RBFOX1: variants seen among roughly 807,000 people sequenced by gnomAD.
The protein encoded by RBFOX1 is RNA binding protein fox-1 homolog 1.
In RBFOX1, 8 loss-of-function variants were observed where a neutral mutation model predicts 57.7. That is an observed-to-expected ratio of 0.14 (90% confidence interval 0.08 to 0.25). The LOEUF (loss-of-function observed/expected upper bound fraction) is 0.25. RBFOX1 is among the 10% of genes least tolerant of loss of function. The probability of loss-of-function intolerance (pLI) is 1.00; values close to 1 mark genes in which losing one functional copy is unlikely to be tolerated. For missense variants in RBFOX1, 611 were observed against 548.5 expected, an observed-to-expected ratio of 1.11 and a Z score of -1.14; for synonymous variants, 326 against 222.4, an observed-to-expected ratio of 1.47 and a Z score of -4.15.
chr16:6,558,112 A>G (rs148789555), intron 2 of RBFOX1, among the ~76,000 whole-genome samples: 73 of 152,284 alleles, frequency 4.8e-4, no homozygotes, highest in African/African-American at 1.6e-3. Context: ...ATGTACTCCA[A>G]ATCAGTGCTT....
At chr16:5,510,013 C>T (rs1001330734) in intron 2 of RBFOX1, among the ~76,000 whole-genome samples, 10 of 152,188 alleles carry the variant, frequency 6.6e-5, no homozygotes, top group Non-Finnish European at 2.9e-5. Context: ...AGAGCTCAGC[C>T]ACGCCCTACC....
chr16:7,458,012 G>C (rs2058859404), intron 4 of RBFOX1, among the ~76,000 whole-genome samples: 1 of 152,058 alleles, frequency 6.6e-6, no homozygotes, highest in African/African-American at 2.4e-5. Context: ...TGCCTGCTTG[G>C]TTGGTATATT....
intron 4 of RBFOX1, among the ~76,000 whole-genome samples, chr16:7,135,444 C>G (rs1009746879): frequency 2.0e-5 from 3 of 152,218 alleles, no homozygotes; most frequent in Non-Finnish European, 4.4e-5. Context: ...ACATTTCTTA[C>G]ATTGTTACCA....
At chr16:5,335,200 G>T (rs1481795387) in intron 1 of RBFOX1, among the ~76,000 whole-genome samples, 1 of 24,808 alleles carries the variant, frequency 4.0e-5, no homozygotes, top group Non-Finnish European at 2.8e-3. Flanking sequence ...TTAAAAAATT[G>T]GGTTCTTTAT....
chr16:6,767,914 CAATAATAATAATAATAATAATAAT>C (rs71408408), intron 3 of RBFOX1, among the ~76,000 whole-genome samples: 2 of 118,026 alleles, frequency 1.7e-5, no homozygotes, highest in African/African-American at 6.4e-5. Context: ...GACTCTATCT[CAATAATAATAATAATAATAATAAT>C]AATAATAATA....
At chr16:7,086,846 G>A (rs1320477326) in intron 4 of RBFOX1, among the ~76,000 whole-genome samples, 2 of 152,168 alleles carry the variant, frequency 1.3e-5, no homozygotes, top group African/African-American at 4.8e-5. Context: ...TCCATTTGCT[G>A]GGCTTAGTTG....
chr16:5,593,274 A>C (rs759987137), intron 2 of RBFOX1, among the ~76,000 whole-genome samples: 1 of 151,890 alleles, frequency 6.6e-6, no homozygotes, highest in Non-Finnish European at 1.5e-5. Flanking sequence ...TCTCACTTAT[A>C]AGTGGGAGTT....
At chr16:6,611,227 A>G (rs906302785) in intron 2 of RBFOX1, among the ~76,000 whole-genome samples, 4 of 152,048 alleles carry the variant, frequency 2.6e-5, no homozygotes, top group African/African-American at 9.7e-5. Context: ...GATCACTGCA[A>G]CCTCCGGCTC....
intron 3 of RBFOX1, among the ~76,000 whole-genome samples, chr16:6,892,130 C>T (rs1275858993): frequency 6.6e-6 from 1 of 152,098 alleles, no homozygotes; most frequent in Non-Finnish European, 1.5e-5. Flanking sequence ...GTCCCCAAAC[C>T]CCCTGGTTGG....
intron 1 of RBFOX1, among the ~76,000 whole-genome samples, chr16:5,406,693 C>G (rs546674328): frequency 5.9e-5 from 9 of 151,900 alleles, no homozygotes; most frequent in Admixed American, 2.0e-4. Flanking sequence ...GTTCTGTTTT[C>G]TGGAGAACCC....
intron 3 of RBFOX1, among the ~76,000 whole-genome samples, chr16:7,012,481 C>T (rs1480744504): frequency 1.3e-5 from 2 of 152,180 alleles, no homozygotes; most frequent in African/African-American, 4.8e-5. Flanking sequence ...TGTCTCATTT[C>T]CCAAGCCATG....
At chr16:7,490,388 G>T (rs1293339316) in intron 4 of RBFOX1, among the ~76,000 whole-genome samples, 1 of 152,170 alleles carries the variant, frequency 6.6e-6, no homozygotes, top group Non-Finnish European at 1.5e-5. Flanking sequence ...ATCTCTACTG[G>T]AGCTTGTAGC....
intron 4 of RBFOX1, among the ~76,000 whole-genome samples, chr16:7,448,574 C>T (rs1228665938): frequency 6.6e-6 from 1 of 152,160 alleles, no homozygotes; most frequent in Non-Finnish European, 1.5e-5. Context: ...CAACCGGGTC[C>T]CTCCCATGAC....
At chr16:7,192,301 G>A (rs534382482) in intron 4 of RBFOX1, among the ~76,000 whole-genome samples, 34 of 152,286 alleles carry the variant, frequency 2.2e-4, no homozygotes, top group African/African-American at 7.9e-4. Context: ...TGACGTTAGG[G>A]AAAATGTCAT....
chr16:7,583,148 C>CT (rs34658435), intron 6 of RBFOX1, among the ~76,000 whole-genome samples: 70 of 132,382 alleles, frequency 5.3e-4, no homozygotes, highest in East Asian at 2.5e-3. Context: ...TCTAGCTCAT[C>CT]TTTTTTTTTT....
chr16:6,505,578 C>G (rs534930953), intron 2 of RBFOX1, among the ~76,000 whole-genome samples: 66 of 152,182 alleles, frequency 4.3e-4, no homozygotes, highest in Non-Finnish European at 7.2e-4. Context: ...GGGGTCCTGG[C>G]TTATGTTTGG....
intron 1 of RBFOX1, among the ~76,000 whole-genome samples, chr16:6,194,786 C>A (rs989876560): frequency 2.0e-5 from 3 of 152,178 alleles, no homozygotes; most frequent in Admixed American, 2.0e-4. Flanking sequence ...CCATTTTCAA[C>A]TTTACGTTTC....
intron 1 of RBFOX1, among the ~76,000 whole-genome samples, chr16:5,390,691 C>T (rs923758630): frequency 6.6e-6 from 1 of 152,172 alleles, no homozygotes; most frequent in Non-Finnish European, 1.5e-5. Context: ...AAGCTCTACC[C>T]CTCTACCCCA....
chr16:7,091,276 T>G (rs2060808404), intron 4 of RBFOX1, among the ~76,000 whole-genome samples: 1 of 152,164 alleles, frequency 6.6e-6, no homozygotes, highest in South Asian at 2.1e-4. Flanking sequence ...TACTTTTTTT[T>G]TTTGTTACAA....
Sources: allele counts gnomAD v4.1 joint callset (sites outside exome capture counted in the v4.1 genomes callset), GRCh38; gene constraint gnomAD v4.1.1; transcripts MANE v1.5; gene names NCBI Gene and HGNC (gene_info 2026-07-23, HGNC 2026-07-21).